The following DRC5 variants were observed in gnomAD, a reference collection of about 807,000 sequenced individuals.
DRC5 encodes T-complex-associated testis-expressed protein 1.
the DRC5 span, among the ~76,000 whole-genome samples, chr6:44,293,116 A>G: frequency 6.6e-6 from 1 of 152,154 alleles, no homozygotes; most frequent in Non-Finnish European, 1.5e-5. Flanking sequence ...ATAGCTGAGA[A>G]TGGCCAAAGG....
the DRC5 span, chr6:44,286,152 T>C: frequency 1.5e-5 from 25 of 1,613,694 alleles, no homozygotes; most frequent in Non-Finnish European, 2.0e-5. Context: ...GGCTCCTCCA[T>C]CTCTCCCTCG....
chr6:44,280,326 C>T, the DRC5 span: 21 of 1,614,142 alleles, frequency 1.3e-5, no homozygotes, highest in East Asian at 1.6e-4. Context: ...ATCTGACAGG[C>T]GCAAGTCAAA....
At chr6:44,294,193 G>A in the DRC5 span, among the ~76,000 whole-genome samples, 12 of 152,064 alleles carry the variant, frequency 7.9e-5, no homozygotes, top group Admixed American at 2.6e-4. Context: ...TATTGGTCAG[G>A]CTGGTCTTGA....
chr6:44,282,298 G>A, the DRC5 span: 13 of 1,614,118 alleles, frequency 8.1e-6, no homozygotes, highest in African/African-American at 2.7e-5. Flanking sequence ...CAGTTGAGAC[G>A]TAGGTTGAGG....
At chr6:44,297,321 C>T in the DRC5 span, among the ~76,000 whole-genome samples, 1 of 152,248 alleles carries the variant, frequency 6.6e-6, no homozygotes, top group African/African-American at 2.4e-5. Context: ...TGGGACCGCT[C>T]TCCTCCACGC....
chr6:44,282,488 G>T, the DRC5 span: 3 of 1,610,112 alleles, frequency 1.9e-6, no homozygotes, highest in East Asian at 6.7e-5. Context: ...CGAGGACTGG[G>T]TGGTCCAGAA....
the DRC5 span, chr6:44,282,612 G>T: frequency 1.3e-6 from 2 of 1,501,042 alleles, no homozygotes; most frequent in Non-Finnish European, 1.8e-6. Context: ...TAATCAGCCT[G>T]CCCACCTAGA....
the DRC5 span, chr6:44,279,864 C>A: frequency 9.4e-5 from 23 of 244,780 alleles, no homozygotes; most frequent in Admixed American, 1.2e-3. Flanking sequence ...GCAGCCCCAA[C>A]GGGAGAATCT....
chr6:44,287,208 T>TC, the DRC5 span: 2 of 985,258 alleles, frequency 2.0e-6, no homozygotes, highest in South Asian at 9.4e-5. Flanking sequence ...GAAGACTCCA[T>TC]CAGAGTAGAG....
chr6:44,290,326 G>A, the DRC5 span, among the ~76,000 whole-genome samples: 1 of 152,120 alleles, frequency 6.6e-6, no homozygotes. Context: ...CTTCCTACAT[G>A]GGCTGTAGTG....
chr6:44,297,065 C>T, the DRC5 span, among the ~76,000 whole-genome samples: 9 of 152,366 alleles, frequency 5.9e-5, no homozygotes, highest in Non-Finnish European at 1.3e-4. Flanking sequence ...GCTCTGGAGT[C>T]TCCCACCCCT....
At chr6:44,286,479 G>A in the DRC5 span, 1 of 1,614,166 alleles carries the variant, frequency 6.2e-7, no homozygotes, top group Non-Finnish European at 8.5e-7. Flanking sequence ...GGGGACAGGT[G>A]GTTCAGGACC....
chr6:44,289,701 C>T, the DRC5 span, among the ~76,000 whole-genome samples: 13 of 152,186 alleles, frequency 8.5e-5, no homozygotes, highest in South Asian at 6.2e-4. Flanking sequence ...GCGTGGGAGG[C>T]GAGAAGACAG....
chr6:44,284,430 C>T, the DRC5 span, among the ~76,000 whole-genome samples: 2 of 152,086 alleles, frequency 1.3e-5, no homozygotes, highest in Admixed American at 6.6e-5. Flanking sequence ...TCCATCCAAA[C>T]CCAGGGCTGC....
At chr6:44,286,504 C>T in the DRC5 span, 8 of 1,613,592 alleles carry the variant, frequency 5.0e-6, no homozygotes, top group East Asian at 8.9e-5. Context: ...GCTGGTGTTC[C>T]GGGAGCATCT....
At chr6:44,281,370 T>C in the DRC5 span, among the ~76,000 whole-genome samples, 3 of 152,334 alleles carry the variant, frequency 2.0e-5, no homozygotes, top group African/African-American at 7.2e-5. Context: ...ATTATGTTTA[T>C]GTCAGTGTTC....
chr6:44,294,140 G>A, the DRC5 span, among the ~76,000 whole-genome samples: 1 of 151,914 alleles, frequency 6.6e-6, no homozygotes, highest in South Asian at 2.1e-4. Flanking sequence ...GCACCACCAC[G>A]GCTGGCTAAT....
the DRC5 span, among the ~76,000 whole-genome samples, chr6:44,292,114 T>C: frequency 1.3e-5 from 2 of 152,208 alleles, no homozygotes; most frequent in South Asian, 2.1e-4. Flanking sequence ...GTAAGCCCTC[T>C]AGCAGCTCAC....
At chr6:44,292,331 C>G in the DRC5 span, among the ~76,000 whole-genome samples, 1 of 152,214 alleles carries the variant, frequency 6.6e-6, no homozygotes, top group Non-Finnish European at 1.5e-5. Context: ...TCTTCTGAGT[C>G]TGAGCTCAAG....
Sources: gnomAD v4.1 joint callset for allele counts (sites outside exome capture counted in the v4.1 genomes callset) on GRCh38, gnomAD v4.1.1 for gene constraint, MANE v1.5 for transcripts, NCBI Gene and HGNC (gene_info 2026-07-23, HGNC 2026-07-21) for gene names.